The following BBS7 variants were observed in gnomAD, a reference collection of about 807,000 sequenced individuals.
BBS7 encodes the protein BBSome complex member BBS7.
Under a neutral mutation model 90.3 loss-of-function variants are expected in BBS7, and 50 were observed. The ratio of observed to expected loss-of-function variants is 0.55; its 90% CI spans 0.44 to 0.70. The LOEUF is 0.70. Among genes scored for constraint, BBS7 ranks in the 30% least tolerant of loss-of-function variants. The pLI, the probability that BBS7 is intolerant of heterozygous loss-of-function variation, is 0.00. For missense variants in BBS7, 729 were observed against 838.9 expected (o/e 0.87, Z 1.62); for synonymous variants, 235 against 287.4 (o/e 0.82, Z 1.85).
In BBS7 at chr4:121,859,010, T is replaced by C. The variant is rs765082786; in HGVS notation, c.510A>G (p.Arg170=). 6.2e-7 allele frequency: 1 copy of C among 1,613,834 alleles called. No homozygotes were observed. ...RITPVLACQD[R]VLRVLQGSDV... is the part of the protein sequence containing the mutation. ...CAGCAACCTGTAAAACTCTGAGCAC[T>C]CTGTCCTGGCAGGCCAATACAGGTG... Residue 170 remains arginine, a synonymous_variant, in exon 5 of 19, where the codon AGA becomes AGG. Coordinates refer to ENST00000264499, the MANE Select transcript of BBS7 (RefSeq NM_176824.3).
chr4:121,826,938 C>A (rs570491780), intron 18 of BBS7, among the ~76,000 whole-genome samples: 2 of 152,252 alleles, frequency 1.3e-5, no homozygotes, highest in South Asian at 4.1e-4. Context: ...AAGCCGAGAT[C>A]GCGCCACTGA....
In BBS7 at chr4:121,824,526, TAA is replaced by T. The variant is rs1169811156; in HGVS notation, c.*1332_*1333del. 1.3e-5 allele frequency: 2 copies of T among 152,190 alleles called. No homozygotes were observed. The highest frequency in any genetic ancestry group is 2.9e-5 in the Non-Finnish European group (2 of 68,030). The allele number at this position is 152,190 out of a possible 1,614,324, so 9.4% of individuals were successfully genotyped here. Reference sequence around the variant, plus strand: ...TTTCCTAATGAAGATGCAATTAATTTAAGATGGCACCTTGAACTACTGTTGAT... The same window carrying T: ...TTTCCTAATGAAGATGCAATTAATTTGATGGCACCTTGAACTACTGTTGAT... On this transcript the variant is annotated 3_prime_UTR_variant, in exon 19 of 19. Transcript: ENST00000264499. The surrounding 1 kb of genome is among the most constrained non-coding windows in gnomAD (Gnocchi z 4.1).
At chr4:121,843,135 C>T (rs150580747) in intron 12 of BBS7, among the ~76,000 whole-genome samples, 257 of 152,032 alleles carry the variant, frequency 1.7e-3, no homozygotes, top group African/African-American at 5.0e-3. Flanking sequence ...TGGTAGCAGC[C>T]GGTGAGAGAG....
chr4:121,854,589 T>C (rs535589756), intron 7 of BBS7, 115 bp downstream of exon 7: 104 of 951,590 alleles, frequency 1.1e-4, no homozygotes, highest in Non-Finnish European at 1.5e-4. Context: ...TAAATCAAGG[T>C]GTGAATTGCT....
intron 8 of BBS7, among the ~76,000 whole-genome samples, 171 bp from the exon 9 acceptor site, chr4:121,849,099 A>T (rs1726170459): frequency 6.6e-6 from 1 of 152,264 alleles, no homozygotes; most frequent in South Asian, 2.1e-4. Context: ...AAATGGCAGG[A>T]AACTTCAGTG....
chr4:121,870,281 C>A lies in BBS7; in HGVS notation c.33G>T (p.Leu11=). The change falls in exon 1 of 19, where the codon CTG becomes CTT. Residue 11 remains leucine (L), a synonymous_variant. Coordinates refer to ENST00000264499, the MANE Select transcript of BBS7 (RefSeq NM_176824.3). The stretch of plus-strand genomic sequence containing the variant: ...CCGCCCTATCCCTTGGGTTTACCTG[C>A]AGATAATCCATTCGGTTTAAAATCA... MDLILNRMDY[L]QVGVTSQKTM... 1 of 1,614,180 alleles carries A rather than the reference C, an allele frequency of 6.2e-7. No homozygotes were observed. The highest frequency in any genetic ancestry group is 8.5e-7 in the Non-Finnish European group (1 of 1,180,020).
intron 14 of BBS7, among the ~76,000 whole-genome samples, chr4:121,834,102 C>G (rs1725330107): frequency 6.6e-6 from 1 of 151,944 alleles, no homozygotes; most frequent in Non-Finnish European, 1.5e-5. Flanking sequence ...ATTAAAAAAA[C>G]TGTAAAATAA....
chr4:121,847,431 T>C lies in BBS7; in HGVS notation c.1010A>G (p.Glu337Gly), dbSNP rs1447086082. The C allele has an allele frequency of 6.2e-7, 1 of 1,613,162 alleles. No homozygotes were observed. The highest frequency in any genetic ancestry group is 1.3e-5 in the African/African-American group (1 of 74,902). Residue 337 changes from glutamate (E) to glycine (G), a missense_variant, in exon 10 of 19, where the codon GAG becomes GGG. Coordinates refer to ENST00000264499, the MANE Select transcript of BBS7 (RefSeq NM_176824.3). ...GPGEELKINQ[E>G]MQNKISSLRN... The stretch of plus-strand genomic sequence containing the variant: ...TAAGGAAGAAATTTTATTCTGCATC[T>C]CCTGATTAATTTTTAGTTCTTCTCC...
At chr4:121,847,318 A>T in intron 10 of BBS7, 86 bp downstream of exon 10, 2 of 855,716 alleles carry the variant, frequency 2.3e-6, no homozygotes, top group Non-Finnish European at 3.9e-6. Flanking sequence ...CTTCCAATAA[A>T]ATATACTGCA....
chr4:121,842,327 C>G (rs893820563), intron 12 of BBS7, among the ~76,000 whole-genome samples: 2 of 149,986 alleles, frequency 1.3e-5, no homozygotes, highest in Non-Finnish European at 3.0e-5. Flanking sequence ...CTCTTTTATT[C>G]CTCCTTTTTA....
At chr4:121,848,493 C>T (rs1726133875) in intron 9 of BBS7, among the ~76,000 whole-genome samples, 1 of 152,170 alleles carries the variant, frequency 6.6e-6, no homozygotes, top group Admixed American at 6.5e-5. Context: ...TGCTTATGTT[C>T]AAGTAACCTC....
intron 9 of BBS7, 106 bp from the exon 10 acceptor site, chr4:121,847,612 C>A: frequency 1.3e-6 from 1 of 794,944 alleles, no homozygotes; most frequent in African/African-American, 1.7e-5. Flanking sequence ...CCTTTGTCCA[C>A]CAATATCAGC....
At chr4:121,838,401 A>C (rs1183227606) in intron 13 of BBS7, among the ~76,000 whole-genome samples, 1 of 151,632 alleles carries the variant, frequency 6.6e-6, no homozygotes, top group Non-Finnish European at 1.5e-5. Context: ...TCAAAACATC[A>C]GCAACACCAG....
rs1210508151 is a variant in BBS7, at chr4:121,830,566, C to T, written c.1677-1838G>A. On this transcript the variant is annotated intron_variant, in intron 15 of 18. Coordinates refer to ENST00000264499, the MANE Select transcript of BBS7 (RefSeq NM_176824.3). ...TAGTGCCAGGTACTATAGAATGACT[C>T]AAATGGTTATCTTCTTTTAATCATC... Among the ~76,000 whole-genome samples, 4 of 152,128 alleles carry T rather than the reference C, an allele frequency of 2.6e-5. No individual in the cohort carries two copies. The East Asian group carries it at 7.7e-4, about 29-fold the overall frequency.
rs148011561 is a variant in BBS7, at chr4:121,863,259, A to G, written c.123T>C (p.Asp41=). ...ATQKVVIGDH[D]GVVMCFGMKK... is the part of the protein sequence containing the mutation. Reference sequence around the variant, plus strand: ...TCATGCCAAAGCACATAACTACCCCATCATGATCTCCAATAACCACCTGTA... The same window carrying G: ...TCATGCCAAAGCACATAACTACCCCGTCATGATCTCCAATAACCACCTGTA... Residue 41 remains aspartate (D), a synonymous_variant, in exon 3 of 19, where the codon GAT becomes GAC. Transcript: ENST00000264499. The G allele has an allele frequency of 1.5e-5, 25 of 1,613,670 alleles. No homozygotes were observed. The African/African-American group carries it at 3.3e-4, about 22-fold the overall frequency.
chr4:121,867,021 T>C (rs1184755759), intron 2 of BBS7, among the ~76,000 whole-genome samples: 1 of 152,212 alleles, frequency 6.6e-6, no homozygotes, highest in Non-Finnish European at 1.5e-5. Context: ...CTTTGGGTTG[T>C]ATTGTTATTT....
rs915606112 is a variant in BBS7 at position 121,855,544 on chromosome 4, A to G, written c.546T>C (p.Tyr182=). The G allele has an allele frequency of 3.1e-6, 5 of 1,613,504 alleles. No homozygotes were observed. Among genetic ancestry groups the G allele is most frequent in the Non-Finnish European group, 4.2e-6 (5 of 1,179,680 alleles). ...LRVLQGSDVM[Y]AVEVPGPPTV... is the part of the protein sequence containing the mutation. Reference sequence around the variant, plus strand: ...TAGGGGGTCCAGGAACTTCAACTGCATACATCACATCAGATCCCTGAAGGA... The same window carrying G: ...TAGGGGGTCCAGGAACTTCAACTGCGTACATCACATCAGATCCCTGAAGGA... Residue 182 remains tyrosine (Y), a synonymous_variant, in exon 6 of 19, where the codon TAT becomes TAC. Coordinates refer to ENST00000264499, the MANE Select transcript of BBS7 (RefSeq NM_176824.3).
intron 8 of BBS7, among the ~76,000 whole-genome samples, chr4:121,851,399 G>A (rs1286013766): frequency 3.0e-5 from 3 of 101,358 alleles, no homozygotes; most frequent in Admixed American, 1.3e-4. Context: ...AAAAAGAAAG[G>A]AAAAAAGGAA....
intron 4 of BBS7, among the ~76,000 whole-genome samples, chr4:121,861,044 T>C (rs1726946263): frequency 6.6e-6 from 1 of 152,140 alleles, no homozygotes; most frequent in African/African-American, 2.4e-5. Context: ...CAAATCTGAA[T>C]TGCAAAATCT....
Sources: gnomAD v4.1 joint callset for allele counts (sites outside exome capture counted in the v4.1 genomes callset) on GRCh38, gnomAD v4.1.1 for gene constraint, Gnocchi (gnomAD v3.1) non-coding constraint, MANE v1.5 for transcripts, NCBI Gene and HGNC (gene_info 2026-07-23, HGNC 2026-07-21) for gene names.